The following GIMAP8 variants were observed in gnomAD, a reference collection of about 807,000 sequenced individuals.
GIMAP8 encodes GTPase, IMAP family member 8.
In GIMAP8, 29 loss-of-function variants were observed where a neutral mutation model predicts 35.6. The observed-to-expected ratio is 0.81, with a 90% CI of 0.61 to 1.11. The LOEUF (loss-of-function observed/expected upper bound fraction) is 1.11, where lower values mean the gene tolerates loss of function less well. Ranked by LOEUF, GIMAP8 falls within the 50% of genes most tolerant of loss-of-function variation. The pLI, the probability that GIMAP8 is intolerant of heterozygous loss-of-function variation, is 0.00. For synonymous variants in GIMAP8, 335 were observed against 308.7 expected, an observed-to-expected ratio of 1.09 and a Z score of -0.89; for missense variants, 811 against 805.0, an observed-to-expected ratio of 1.01 and a Z score of -0.09.
intron 2 of GIMAP8, 54 bp from the exon 3 acceptor site, chr7:150,470,775 G>C: frequency 3.3e-6 from 1 of 305,990 alleles, no homozygotes; most frequent in Non-Finnish European, 6.0e-6. Flanking sequence ...TTTTCAGTTT[G>C]TGGAAGATGA....
At position 150,451,312 on chromosome 7, in the gene GIMAP8, G is replaced by C. The variant is rs1210717517; in HGVS notation, c.-29+137G>C. 6.6e-6 allele frequency: 1 copy of C among 151,948 alleles called. No homozygotes were observed. The highest frequency in any genetic ancestry group is 1.5e-5 in the Non-Finnish European group (1 of 68,124). 9.4% of individuals were successfully genotyped at this position (151,948 alleles called of 1,614,324 possible). On this transcript the variant is annotated intron_variant, in intron 1 of 4. Transcript: ENST00000307271. The surrounding 1 kb of genome is among the most constrained non-coding windows in gnomAD (Gnocchi z 4.1). Reference sequence around the variant, plus strand: ...TGTAGATGTGTGTGCACTGGTGCATGGCTGTGGGGGAGGATGGGCTTGGCA... The same window carrying C: ...TGTAGATGTGTGTGCACTGGTGCATCGCTGTGGGGGAGGATGGGCTTGGCA...
intron 1 of GIMAP8, among the ~76,000 whole-genome samples, chr7:150,452,653 A>ATG (rs1240322026): frequency 0.028 from 3,433 of 123,586 alleles, 92 homozygotes; most frequent in Non-Finnish European, 0.043. Context: ...ATGTGTGTAT[A>ATG]TGTGTGTGTG....
In GIMAP8 at chr7:150,477,292, G is replaced by C; in HGVS notation, c.1510G>C (p.Glu504Gln). 1 of 1,614,130 alleles carries C rather than the reference G, an allele frequency of 6.2e-7. No individual in the cohort carries two copies. Among genetic ancestry groups the C allele is most frequent in the African/African-American group, 1.3e-5 (1 of 75,024 alleles). Residue 504 changes from glutamate to glutamine, a missense_variant, in exon 5 of 5, where the codon GAA becomes CAA. By Grantham distance (29) the Glu-to-Gln change is conservative. Transcript: ENST00000307271. Reference sequence around the variant, plus strand: ...TTCCTTCAACCAGATGCTGGATGTCGAAAAGGACCCATCCCGGTTAGAAGA... The same window carrying C: ...TTCCTTCAACCAGATGCTGGATGTCCAAAAGGACCCATCCCGGTTAGAAGA... ...TPSFNQMLDV[E>Q]KDPSRLEEEV... is the part of the protein sequence containing the mutation.
chr7:150,475,632 C>T (rs1802211755), intron 4 of GIMAP8, among the ~76,000 whole-genome samples: 1 of 152,198 alleles, frequency 6.6e-6, no homozygotes, highest in Non-Finnish European at 1.5e-5. Context: ...CCCATTCTTA[C>T]TCATCCCGTT....
In GIMAP8 at chr7:150,467,113, T is replaced by C; in HGVS notation, c.415T>C (p.Leu139=). 6.2e-7 allele frequency: 1 copy of C among 1,614,046 alleles called. No individual in the cohort carries two copies. The highest frequency in any genetic ancestry group is 8.5e-7 in the Non-Finnish European group (1 of 1,180,002). ...TATTGTCTTCACTCGGAAGGATGAT[T>C]TGGGGGATGACTTGCTGCAAGATTT... is the stretch of plus-strand genomic sequence containing the variant. ...IIIVFTRKDD[L]GDDLLQDFIE... Residue 139 remains leucine (L), a synonymous_variant, in exon 2 of 5, where the codon TTG becomes CTG. Transcript: ENST00000307271.
intron 3 of GIMAP8, among the ~76,000 whole-genome samples, chr7:150,471,742 C>T (rs1369595136): frequency 2.0e-5 from 3 of 151,578 alleles, no homozygotes; most frequent in Non-Finnish European, 4.4e-5. Flanking sequence ...GAGGCTAAGA[C>T]ATGAGAATCA....
intron 1 of GIMAP8, among the ~76,000 whole-genome samples, chr7:150,460,555 G>A (rs891858356): frequency 1.3e-5 from 2 of 152,180 alleles, no homozygotes; most frequent in Non-Finnish European, 2.9e-5. Flanking sequence ...CTTGACTACT[G>A]TCCTTCAGAA....
intron 1 of GIMAP8, among the ~76,000 whole-genome samples, chr7:150,465,454 C>G (rs942452969): frequency 2.0e-5 from 3 of 152,084 alleles, no homozygotes; most frequent in African/African-American, 7.2e-5. Context: ...TTTTTTTCCT[C>G]GCAGCGACAG....
chr7:150,477,911 G>A lies in GIMAP8; in HGVS notation c.*131G>A, dbSNP rs1469238580. Reference sequence around the variant, plus strand: ...AGGGCCTGAGAGGCAAATGCATCCCGCCTTGTGATGTATCAGCTATTTGTA... The same window carrying A: ...AGGGCCTGAGAGGCAAATGCATCCCACCTTGTGATGTATCAGCTATTTGTA... On this transcript the variant is annotated 3_prime_UTR_variant, in exon 5 of 5. Transcript: ENST00000307271. 1.5e-5 allele frequency: 10 copies of A among 652,908 alleles called. No homozygotes were observed. The highest frequency in any genetic ancestry group is 4.2e-4 in the Middle Eastern group (1 of 2,408). The allele number at this position is 652,908 out of a possible 1,614,324, so 40.4% of individuals were successfully genotyped here.
intron 4 of GIMAP8, among the ~76,000 whole-genome samples, chr7:150,475,119 G>A (rs1038242943): frequency 1.3e-5 from 2 of 152,186 alleles, no homozygotes; most frequent in African/African-American, 4.8e-5. Context: ...AAAAGGCATA[G>A]AGAAGATAAA....
At chr7:150,471,274 G>T (rs955933902) in intron 3 of GIMAP8, among the ~76,000 whole-genome samples, 13 of 152,198 alleles carry the variant, frequency 8.5e-5, no homozygotes, top group Non-Finnish European at 1.9e-4. Flanking sequence ...CAGTATTCAG[G>T]TGATGATTGC....
chr7:150,468,493 T>C (rs1802022265), intron 2 of GIMAP8, among the ~76,000 whole-genome samples: 1 of 152,218 alleles, frequency 6.6e-6, no homozygotes, highest in African/African-American at 2.4e-5. Context: ...CTGAGCCTGA[T>C]GCGTAACATC....
chr7:150,466,598 G>A, intron 1 of GIMAP8, 73 bp from the exon 2 acceptor site: 1 of 1,319,602 alleles, frequency 7.6e-7, no homozygotes, highest in Non-Finnish European at 1.0e-6. Context: ...AAAAGAGAAT[G>A]TCTTTTCTTG....
chr7:150,456,477 C>T (rs778384007), intron 1 of GIMAP8, among the ~76,000 whole-genome samples: 22 of 152,302 alleles, frequency 1.4e-4, no homozygotes, highest in South Asian at 1.0e-3. Context: ...TGCCTCTGTC[C>T]TCCTGTCTCC....
At chr7:150,452,675 G>GAGATATATATAT (rs1554492376) in intron 1 of GIMAP8, among the ~76,000 whole-genome samples, 62 of 79,646 alleles carry the variant, frequency 7.8e-4, no homozygotes, top group Non-Finnish European at 1.0e-3. Context: ...GTGTGTGTGA[G>GAGATATATATAT]ATATATATAT....
At chr7:150,466,550 C>T in intron 1 of GIMAP8, 121 bp from the exon 2 acceptor site, 2 of 802,482 alleles carry the variant, frequency 2.5e-6, no homozygotes, top group Non-Finnish European at 1.9e-6. Context: ...GGGTCTAGAA[C>T]TTCAGTAGCT....
At position 150,474,282 on chromosome 7, in the gene GIMAP8, A is replaced by G; in HGVS notation, c.953A>G (p.Lys318Arg). 6.2e-7 allele frequency: 1 copy of G among 1,614,154 alleles called. No homozygotes were observed. Among genetic ancestry groups the G allele is most frequent in the Non-Finnish European group, 8.5e-7 (1 of 1,180,008 alleles). ...AAGAACATTGACTCAGAAGTTAGAA[A>G]ACACATCTGTACAGGCCCCCATGCC... Reference protein sequence around the residue: ...SLKNIDSEVRKHICTGPHAFL... With the variant: ...SLKNIDSEVRRHICTGPHAFL... The change falls in exon 4 of 5, where the codon AAA becomes AGA. Residue 318 changes from lysine (K) to arginine (R), a missense_variant. Transcript: ENST00000307271.
intron 1 of GIMAP8, among the ~76,000 whole-genome samples, chr7:150,452,675 G>GATTATATATAT (rs1801639182): frequency 1.0e-4 from 8 of 79,672 alleles, no homozygotes; most frequent in Non-Finnish European, 9.1e-5. Flanking sequence ...GTGTGTGTGA[G>GATTATATATAT]ATATATATAT....
At chr7:150,467,435 T>C in intron 2 of GIMAP8, 101 bp downstream of exon 2, 3 of 924,168 alleles carry the variant, frequency 3.2e-6, no homozygotes, top group South Asian at 3.4e-5. Flanking sequence ...TGATGGAACA[T>C]GGGTTTTGTT....
Sources: gnomAD v4.1 joint callset for allele counts (sites outside exome capture counted in the v4.1 genomes callset) on GRCh38, gnomAD v4.1.1 for gene constraint, Gnocchi (gnomAD v3.1) non-coding constraint, MANE v1.5 for transcripts, NCBI Gene and HGNC (gene_info 2026-07-23, HGNC 2026-07-21) for gene names.